DOCK8: variants seen among roughly 807,000 people sequenced by gnomAD.
DOCK8 encodes the protein dedicator of cytokinesis protein 8.
A neutral mutation model predicts 245.6 loss-of-function variants in DOCK8; 141 were observed. The observed-to-expected ratio is 0.57, with a 90% confidence interval of 0.50 to 0.66. The LOEUF (loss-of-function observed/expected upper bound fraction) is 0.66, where lower values mean the gene tolerates loss of function less well. Among genes scored for constraint, DOCK8 ranks in the 30% least tolerant of loss-of-function variants. The probability of loss-of-function intolerance (pLI) is 0.00; values close to 1 mark genes in which losing one functional copy is unlikely to be tolerated. For missense variants in DOCK8, 2,965 were observed against 2,603.4 expected, an observed-to-expected ratio of 1.14 and a Z score of -3.02; for synonymous variants, 1,168 against 970.2, an observed-to-expected ratio of 1.20 and a Z score of -3.79.
At chr9:260,010 G>A (rs940578820) in intron 1 of DOCK8, among the ~76,000 whole-genome samples, 1 of 152,208 alleles carries the variant, frequency 6.6e-6, no homozygotes, top group African/African-American at 2.4e-5. Context: ...ACACCATTGT[G>A]GGCACCACAT....
intron 1 of DOCK8, among the ~76,000 whole-genome samples, chr9:241,745 G>A (rs186554860): frequency 1.1e-3 from 173 of 152,122 alleles, no homozygotes; most frequent in African/African-American, 3.4e-3. Context: ...CCCAGGAGTG[G>A]GATTGCTAGA....
chr9:215,128 C>G, intron 1 of DOCK8, 99 bp downstream of exon 1: 8 of 1,477,684 alleles, frequency 5.4e-6, no homozygotes, highest in Non-Finnish European at 7.1e-6. Flanking sequence ...CGAGTCCATT[C>G]GCGTCCGCGG....
intron 24 of DOCK8, among the ~76,000 whole-genome samples, chr9:394,258 C>G (rs769005423): frequency 2.0e-5 from 3 of 152,024 alleles, no homozygotes; most frequent in Non-Finnish European, 2.9e-5. Flanking sequence ...CAGAGAAGGA[C>G]AAGAAATCCA....
chr9:464,061 G>A, intron 47 of DOCK8, 98 bp from the exon 48 acceptor site: 3 of 1,029,382 alleles, frequency 2.9e-6, no homozygotes, highest in Non-Finnish European at 4.6e-6. Flanking sequence ...CATTTCTACT[G>A]GGTGATCCAC....
At chr9:289,677 C>T (rs1303248590) in intron 4 of DOCK8, 96 bp downstream of exon 4, 26 of 1,149,702 alleles carry the variant, frequency 2.3e-5, no homozygotes, top group Non-Finnish European at 2.6e-5. Context: ...TCTAGGTTTA[C>T]AGAAAAATTG....
chr9:411,282 G>A (rs1349893690), intron 28 of DOCK8, among the ~76,000 whole-genome samples: 7 of 151,918 alleles, frequency 4.6e-5, no homozygotes, highest in Non-Finnish European at 8.8e-5. Flanking sequence ...GTGTGGTGGC[G>A]GGAACCTGTA....
At chr9:311,209 T>C (rs1181522337) in intron 5 of DOCK8, among the ~76,000 whole-genome samples, 2 of 151,370 alleles carry the variant, frequency 1.3e-5, no homozygotes, top group African/African-American at 4.9e-5. Flanking sequence ...TGCTTGAACC[T>C]GGGAGGCGGA....
chr9:330,353 C>A (rs2130844280), intron 9 of DOCK8, among the ~76,000 whole-genome samples: 1 of 152,140 alleles, frequency 6.6e-6, no homozygotes, highest in African/African-American at 2.4e-5. Context: ...TATGTAAGGG[C>A]CACATAGTTT....
chr9:462,579 C>T lies in DOCK8; in HGVS notation c.6069-938C>T, dbSNP rs544546721. ...TTGTGTGAGCTTTGAAGCCCCTTCC[C>T]CTCAGCCCATAGACCTATACACAGT... On this transcript the variant is annotated intron_variant, in intron 46 of 47. Coordinates refer to ENST00000432829, the MANE Select transcript of DOCK8 (RefSeq NM_203447.4). Among the ~76,000 whole-genome samples, 15 of 152,336 alleles carry T rather than the reference C, an allele frequency of 9.8e-5. No homozygotes were observed. In the South Asian group the frequency reaches 2.5e-3, roughly 25 times the overall value.
chr9:409,834 C>T (rs10974279), intron 28 of DOCK8, among the ~76,000 whole-genome samples: 58,349 of 151,382 alleles, frequency 0.39, 11,511 homozygotes, highest in East Asian at 0.53. Flanking sequence ...CTGAGAATGA[C>T]GGTTTTCAGC....
rs759116308 is a variant in DOCK8, at chr9:439,293, C to G, written c.5128C>G (p.Leu1710Val). 18 of 1,614,098 alleles carry G rather than the reference C, an allele frequency of 1.1e-5. 1 individual carries two copies. In the South Asian group the frequency reaches 1.3e-4, roughly 12 times the overall value. Residue 1710 changes from leucine (L) to valine (V), a missense_variant, in exon 40 of 48, where the codon CTG (leucine) becomes GTG (valine). Physicochemically the swap from Leu to Val is conservative, Grantham distance 32. Coordinates refer to ENST00000432829, the MANE Select transcript of DOCK8 (RefSeq NM_203447.4). Reference protein sequence around the residue: ...LEESVVSEDTLSPDEDGVCAG... With the variant: ...LEESVVSEDTVSPDEDGVCAG... Reference sequence around the variant, plus strand: ...GGAGTCTGTGGTCTCTGAGGACACCCTGTCACCTGACGAGGATGGGGTGTG... The same window carrying G: ...GGAGTCTGTGGTCTCTGAGGACACCGTGTCACCTGACGAGGATGGGGTGTG...
intron 5 of DOCK8, among the ~76,000 whole-genome samples, chr9:310,259 C>T (rs1174021032): frequency 2.0e-5 from 2 of 99,506 alleles, no homozygotes; most frequent in Non-Finnish European, 2.0e-5. Flanking sequence ...AAATGTGAAA[C>T]TCCGTCTAAA....
At chr9:266,194 A>G (rs2048031412) in intron 1 of DOCK8, among the ~76,000 whole-genome samples, 1 of 152,196 alleles carries the variant, frequency 6.6e-6, no homozygotes, top group African/African-American at 2.4e-5. Flanking sequence ...CAGAATTAGT[A>G]ACGCCTTCCT....
At chr9:327,890 A>G (rs1162609762) in intron 8 of DOCK8, 132 bp from the exon 9 acceptor site, 1 of 840,418 alleles carries the variant, frequency 1.2e-6, no homozygotes, top group African/African-American at 1.7e-5. Flanking sequence ...CCACTTTCCT[A>G]AACCACATCT....
chr9:447,282 C>A (rs1217281179), intron 44 of DOCK8, among the ~76,000 whole-genome samples: 1 of 152,214 alleles, frequency 6.6e-6, no homozygotes, highest in Non-Finnish European at 1.5e-5. Flanking sequence ...ACTTATTATT[C>A]TTTAAAACAC....
intron 14 of DOCK8, among the ~76,000 whole-genome samples, chr9:353,367 G>C (rs962126285): frequency 2.6e-5 from 4 of 152,138 alleles, no homozygotes; most frequent in African/African-American, 9.7e-5. Context: ...AAGGCGTCTG[G>C]CAATGTTAAA....
At chr9:337,010 A>C (rs1228997657) in intron 12 of DOCK8, among the ~76,000 whole-genome samples, 1 of 152,108 alleles carries the variant, frequency 6.6e-6, no homozygotes, top group African/African-American at 2.4e-5. Context: ...GAGCACGGTG[A>C]GCAGCTGAGC....
At chr9:293,128 G>C (rs146940924) in intron 4 of DOCK8, among the ~76,000 whole-genome samples, 1 of 152,184 alleles carries the variant, frequency 6.6e-6, no homozygotes, top group South Asian at 2.1e-4. Context: ...TCACCTAGTG[G>C]ACAGGGAGAA....
intron 4 of DOCK8, among the ~76,000 whole-genome samples, chr9:298,733 A>G (rs2049387414): frequency 6.6e-6 from 1 of 152,122 alleles, no homozygotes; most frequent in Admixed American, 6.5e-5. Context: ...ACAAAAAGTA[A>G]TGCTAAAGCT....
Sources: allele counts gnomAD v4.1 joint callset (sites outside exome capture counted in the v4.1 genomes callset), GRCh38; gene constraint gnomAD v4.1.1; transcripts MANE v1.5; gene names NCBI Gene and HGNC (gene_info 2026-07-23, HGNC 2026-07-21).